Variants in KIF7 observed in about 807,000 individuals in gnomAD.
The protein encoded by KIF7 is kinesin family member 7, also known as kinesin-like protein KIF7.
In KIF7, 104 loss-of-function variants were observed where a neutral mutation model predicts 135.7. The ratio of observed to expected loss-of-function variants is 0.77; its 90% CI spans 0.65 to 0.90. KIF7 has a LOEUF of 0.90. Ranked by LOEUF, KIF7 falls within the 40% of genes least tolerant of loss-of-function variation. The pLI is 0.00. For synonymous variants in KIF7, 883 were observed against 809.4 expected (o/e 1.09, Z -1.54); for missense variants, 2,005 against 1,839.1 (o/e 1.09, Z -1.65).
chr15:89,643,995 G>A (rs1183452730), intron 10 of KIF7, among the ~76,000 whole-genome samples: 1 of 151,742 alleles, frequency 6.6e-6, no homozygotes, highest in East Asian at 1.9e-4. Flanking sequence ...ACACTGGGAG[G>A]TGTAGGGAAG....
intron 11 of KIF7, among the ~76,000 whole-genome samples, chr15:89,636,326 C>A (rs1963806891): frequency 6.8e-6 from 1 of 146,258 alleles, no homozygotes; most frequent in African/African-American, 2.5e-5. Context: ...TCACACATAA[C>A]AATATTAACT....
At chr15:89,619,686 T>G (rs372651756) in intron 1 of KIF7, 4 of 1,593,294 alleles carry the variant, frequency 2.5e-6, no homozygotes, top group Non-Finnish European at 3.4e-6. Context: ...TTTGGTTACT[T>G]ACTGTGGTTC....
intron 10 of KIF7, among the ~76,000 whole-genome samples, chr15:89,644,601 C>T (rs2142020811): frequency 6.6e-6 from 1 of 152,188 alleles, no homozygotes; most frequent in Non-Finnish European, 1.5e-5. Flanking sequence ...AGGAGAATCG[C>T]TTGAACCCGG....
chr15:89,648,973 C>G lies in KIF7; in HGVS notation c.923+1G>C. ...CACATAGGAGCCAGGGGGCAGCTCACCGGGTGATCTTGGAGTCGCGGTAGG... is the reference window on the plus strand; with the variant it reads ...CACATAGGAGCCAGGGGGCAGCTCAGCGGGTGATCTTGGAGTCGCGGTAGG... On this transcript the variant is annotated splice_donor_variant, in intron 4 of 18. Coordinates refer to ENST00000394412, the MANE Select transcript of KIF7 (RefSeq NM_198525.3). LOFTEE classifies it high-confidence loss of function. 5 of 1,534,246 alleles carry G rather than the reference C, an allele frequency of 3.3e-6. No individual in the cohort carries two copies. The highest frequency in any genetic ancestry group is 4.4e-6 in the Non-Finnish European group (5 of 1,138,882).
intron 2 of KIF7, among the ~76,000 whole-genome samples, chr15:89,651,243 G>A (rs1964118765): frequency 6.6e-6 from 1 of 152,206 alleles, no homozygotes; most frequent in Non-Finnish European, 1.5e-5. Flanking sequence ...GGGACTACAG[G>A]CATGCACCAC....
downstream of KIF7, chr15:89,624,798 T>C (rs1963487709): frequency 6.2e-7 from 1 of 1,614,110 alleles, no homozygotes; most frequent in South Asian, 1.1e-5. Flanking sequence ...CAGCAGATGC[T>C]GAGAAGTCTT....
chr15:89,640,898 G>A (rs1963907339), intron 11 of KIF7, among the ~76,000 whole-genome samples: 1 of 151,988 alleles, frequency 6.6e-6, no homozygotes, highest in South Asian at 2.1e-4. Flanking sequence ...CGCTACTCAG[G>A]AGGCTGAGGC....
At chr15:89,630,557 A>G in intron 15 of KIF7, 64 bp from the exon 16 acceptor site, 1 of 1,361,294 alleles carries the variant, frequency 7.3e-7, no homozygotes, top group Non-Finnish European at 1.0e-6. Context: ...TCCTGGGCAG[A>G]CATGCAACAG....
In KIF7 at chr15:89,631,462, ACCAAGGGGCTGAG is replaced by A; in HGVS notation, c.3111+20_3111+32del. 6.6e-7 allele frequency: 1 copy of A among 1,523,188 alleles called. No homozygotes were observed. 94.4% of individuals were successfully genotyped at this position (1,523,188 alleles called of 1,614,324 possible). The stretch of plus-strand genomic sequence containing the variant: ...AGCAGACAGACAGGCATACAATGGC[ACCAAGGGGCTGAG>A]CCATGGGGCCGCAGGGTACCTCGGG... On this transcript the variant is annotated intron_variant, in intron 15 of 18. Coordinates refer to ENST00000394412, the MANE Select transcript of KIF7 (RefSeq NM_198525.3).
chr15:89,625,059 A>C, downstream of KIF7: 1 of 1,613,970 alleles, frequency 6.2e-7, no homozygotes, highest in Non-Finnish European at 8.5e-7. Context: ...CCAGCTCTTC[A>C]TTAGAGGCTG....
chr15:89,655,606 T>C (rs1231879595), upstream of KIF7, among the ~76,000 whole-genome samples: 1 of 151,916 alleles, frequency 6.6e-6, no homozygotes, highest in Non-Finnish European at 1.5e-5. Context: ...GGGCCCGTGC[T>C]CAAGGGCTGG....
chr15:89,623,975 G>A, downstream of KIF7: 3 of 1,613,864 alleles, frequency 1.9e-6, no homozygotes, highest in East Asian at 2.2e-5. Flanking sequence ...AGTCCAGAAA[G>A]CCCCTCCTGT....
At chr15:89,634,571 G>A (rs1021457340) in intron 11 of KIF7, among the ~76,000 whole-genome samples, 3 of 152,322 alleles carry the variant, frequency 2.0e-5, no homozygotes, top group South Asian at 2.1e-4. Flanking sequence ...GTGACAGATG[G>A]CACCTGGAAA....
downstream of KIF7, chr15:89,625,952 C>A: frequency 6.3e-7 from 1 of 1,584,300 alleles, no homozygotes; most frequent in Non-Finnish European, 8.6e-7. Flanking sequence ...CCCCACCTCC[C>A]AGCTGTGCCG....
At chr15:89,643,445 AT>A (rs1055909348) in intron 10 of KIF7, among the ~76,000 whole-genome samples, 25 of 152,350 alleles carry the variant, frequency 1.6e-4, no homozygotes, top group African/African-American at 6.0e-4. Context: ...AGATTTTGGC[AT>A]TCACGGGGTC....
In KIF7 at chr15:89,628,139, C is replaced by G. The variant is rs557879251; in HGVS notation, c.*280G>C. The G allele has an allele frequency of 1.8e-4, 73 of 402,978 alleles. No homozygotes were observed. Among genetic ancestry groups the G allele is most frequent in the African/African-American group, 8.9e-4 (44 of 49,648 alleles). 25.0% of individuals were successfully genotyped at this position (402,978 alleles called of 1,614,324 possible). ...GAACTACAAGCACATCCATTTACGC[C>G]TGAAACCAGAATTGTCCTGAGATTC... On this transcript the variant is annotated 3_prime_UTR_variant, in exon 19 of 19. Transcript: ENST00000394412.
chr15:89,630,654 G>C, intron 15 of KIF7, 161 bp from the exon 16 acceptor site: 1 of 689,574 alleles, frequency 1.5e-6, no homozygotes, highest in Non-Finnish European at 2.6e-6. Context: ...CCTGCTCACT[G>C]TCACAGCCCC....
At chr15:89,636,446 G>A (rs1462231641) in intron 11 of KIF7, among the ~76,000 whole-genome samples, 1 of 124,356 alleles carries the variant, frequency 8.0e-6, no homozygotes, top group African/African-American at 3.2e-5. Context: ...CTCACATGCA[G>A]AGACACACAT....
intron 12 of KIF7, 103 bp downstream of exon 12, chr15:89,633,583 C>A: frequency 8.0e-7 from 1 of 1,246,886 alleles, no homozygotes; most frequent in Non-Finnish European, 1.1e-6. Context: ...TTTCTAAGGT[C>A]ACGTGGCTGT....
Sources: gnomAD v4.1 joint callset for allele counts (sites outside exome capture counted in the v4.1 genomes callset) on GRCh38, gnomAD v4.1.1 for gene constraint, MANE v1.5 for transcripts, NCBI Gene and HGNC (gene_info 2026-07-23, HGNC 2026-07-21) for gene names.